LRRTM4: variants seen among roughly 807,000 people sequenced by gnomAD.
LRRTM4 encodes leucine-rich repeat transmembrane neuronal protein 4.
A neutral mutation model predicts 47.6 loss-of-function variants in LRRTM4; 25 were observed. The ratio of observed to expected loss-of-function variants is 0.53; its 90% CI spans 0.38 to 0.73. The LOEUF (loss-of-function observed/expected upper bound fraction) is 0.73, where lower values mean the gene tolerates loss of function less well. LRRTM4 is among the 30% of genes least tolerant of loss of function. The probability of loss-of-function intolerance (pLI) is 0.00; values close to 1 mark genes in which losing one functional copy is unlikely to be tolerated. For synonymous variants in LRRTM4, 311 were observed against 269.5 expected (o/e 1.15, Z -1.51); for missense variants, 638 against 713.4 (o/e 0.89, Z 1.20).
intron 3 of LRRTM4, among the ~76,000 whole-genome samples, chr2:77,272,265 AG>A (rs1251581055): frequency 6.6e-6 from 1 of 152,202 alleles, no homozygotes; most frequent in African/African-American, 2.4e-5. Context: ...TGGATGGCTC[AG>A]GCAAATTGGC....
At chr2:77,000,906 G>A (rs1207723904) in intron 3 of LRRTM4, among the ~76,000 whole-genome samples, 1 of 152,016 alleles carries the variant, frequency 6.6e-6, no homozygotes, top group Non-Finnish European at 1.5e-5. Flanking sequence ...GAATCTCCTT[G>A]CCCTTGGAAA....
intron 3 of LRRTM4, among the ~76,000 whole-genome samples, chr2:77,220,352 C>T (rs571136599): frequency 9.2e-5 from 14 of 152,224 alleles, no homozygotes; most frequent in South Asian, 4.1e-4. Context: ...CAAAGCTGGA[C>T]GCAGAATGAC....
At chr2:77,242,998 A>G (rs556992505) in intron 3 of LRRTM4, among the ~76,000 whole-genome samples, 1 of 152,378 alleles carries the variant, frequency 6.6e-6, no homozygotes, top group East Asian at 1.9e-4. Context: ...ATGAATGGAT[A>G]AACAAAATGC....
chr2:76,993,531 A>T (rs1032641755), intron 3 of LRRTM4, among the ~76,000 whole-genome samples: 3 of 152,038 alleles, frequency 2.0e-5, no homozygotes, highest in African/African-American at 7.2e-5. Flanking sequence ...ATAATCGGAG[A>T]AATGTGAATC....
At chr2:76,838,310 A>G (rs1183950483) in intron 3 of LRRTM4, among the ~76,000 whole-genome samples, 5 of 152,024 alleles carry the variant, frequency 3.3e-5, no homozygotes, top group Non-Finnish European at 7.4e-5. Flanking sequence ...TCTGTGAAAT[A>G]TTTTTGATAG....
intron 3 of LRRTM4, among the ~76,000 whole-genome samples, chr2:77,115,135 A>G (rs1671354644): frequency 6.6e-6 from 1 of 152,128 alleles, no homozygotes; most frequent in South Asian, 2.1e-4. Context: ...CAGGGTCTCA[A>G]TTATTAATAT....
At chr2:76,933,135 T>G (rs1220107086) in intron 3 of LRRTM4, among the ~76,000 whole-genome samples, 1 of 152,112 alleles carries the variant, frequency 6.6e-6, no homozygotes, top group Non-Finnish European at 1.5e-5. Flanking sequence ...ACAATAAATA[T>G]ATCTAAATAG....
chr2:76,839,240 C>T (rs1671604663), intron 3 of LRRTM4, among the ~76,000 whole-genome samples: 1 of 152,082 alleles, frequency 6.6e-6, no homozygotes, highest in Non-Finnish European at 1.5e-5. Flanking sequence ...GAGATACAGA[C>T]ATTTTATCCT....
chr2:77,448,890 T>C (rs116597941), intron 3 of LRRTM4, among the ~76,000 whole-genome samples: 1,918 of 152,338 alleles, frequency 0.013, 25 homozygotes, highest in African/African-American at 0.042. Flanking sequence ...ATTCACATGA[T>C]ATTTGTGGAA....
rs115170147 is a variant in LRRTM4, at chr2:77,404,063, C to T, written c.1551+114255G>A. Among the ~76,000 whole-genome samples, 1,273 of 151,920 alleles carry T rather than the reference C, an allele frequency of 8.4e-3. 17 individuals carry two copies. The highest frequency in any genetic ancestry group is 0.028 in the African/African-American group (1,167 of 41,468). ...TCTTGACATTTAACACAACTACTTT[C>T]GAGTCATAACTTGTCTTGCCTGGAT... On this transcript the variant is annotated intron_variant, in intron 3 of 3. Coordinates refer to ENST00000409884, the MANE Select transcript of LRRTM4 (RefSeq NM_001134745.3).
intron 3 of LRRTM4, among the ~76,000 whole-genome samples, chr2:77,033,861 TTAAA>T (rs970033037): frequency 1.1e-4 from 16 of 151,870 alleles, no homozygotes; most frequent in East Asian, 3.9e-4. Flanking sequence ...TACTTAAATG[TTAAA>T]TAAAGACTTA....
At chr2:77,220,667 A>T (rs1674593723) in intron 3 of LRRTM4, among the ~76,000 whole-genome samples, 1 of 152,204 alleles carries the variant, frequency 6.6e-6, no homozygotes, top group Non-Finnish European at 1.5e-5. Flanking sequence ...AAAGAATAAA[A>T]AGAAATCAAC....
At chr2:77,140,333 C>A (rs1672085406) in intron 3 of LRRTM4, among the ~76,000 whole-genome samples, 1 of 152,120 alleles carries the variant, frequency 6.6e-6, no homozygotes, top group Admixed American at 6.5e-5. Flanking sequence ...CATCTACAAC[C>A]ATCTGATCTT....
intron 3 of LRRTM4, among the ~76,000 whole-genome samples, chr2:76,811,290 T>C (rs973398700): frequency 2.0e-5 from 3 of 152,190 alleles, no homozygotes; most frequent in Non-Finnish European, 4.4e-5. Flanking sequence ...AAATAAACAT[T>C]AGCACCCTGT....
chr2:76,887,475 T>A (rs769235513), intron 3 of LRRTM4, among the ~76,000 whole-genome samples: 1 of 150,904 alleles, frequency 6.6e-6, no homozygotes, highest in Non-Finnish European at 1.5e-5. Flanking sequence ...CTTGTAACAT[T>A]TAGTGCCTTT....
chr2:76,946,337 G>A (rs1181274746), intron 3 of LRRTM4, among the ~76,000 whole-genome samples: 1 of 151,676 alleles, frequency 6.6e-6, no homozygotes. Flanking sequence ...TCAGAAGCCT[G>A]GTATTCTGCC....
At chr2:76,816,660 G>C (rs1021921909) in intron 3 of LRRTM4, among the ~76,000 whole-genome samples, 1 of 151,364 alleles carries the variant, frequency 6.6e-6, no homozygotes, top group African/African-American at 2.4e-5. Context: ...TTAGTTCCCA[G>C]ATGTTTCATA....
At chr2:77,229,900 C>G (rs1027752044) in intron 3 of LRRTM4, among the ~76,000 whole-genome samples, 1 of 151,948 alleles carries the variant, frequency 6.6e-6, no homozygotes, top group Non-Finnish European at 1.5e-5. Flanking sequence ...AAATATATCC[C>G]CCACTTGAAC....
chr2:77,235,272 T>A (rs1252012847), intron 3 of LRRTM4, among the ~76,000 whole-genome samples: 3 of 152,156 alleles, frequency 2.0e-5, no homozygotes, highest in Non-Finnish European at 4.4e-5. Context: ...AATTTACATT[T>A]CTCTGATGAT....
Sources: gnomAD v4.1 joint callset for allele counts (sites outside exome capture counted in the v4.1 genomes callset) on GRCh38, gnomAD v4.1.1 for gene constraint, MANE v1.5 for transcripts, NCBI Gene and HGNC (gene_info 2026-07-23, HGNC 2026-07-21) for gene names.